The following LRRK2 variants were observed in gnomAD, a reference collection of about 807,000 sequenced individuals.
LRRK2 encodes leucine rich repeat kinase 2, also known as leucine-rich repeat serine/threonine-protein kinase 2.
LRRK2 carries 203 observed loss-of-function variants against 302.6 expected under a neutral mutation model. That is an observed-to-expected ratio of 0.67 (90% CI 0.60 to 0.75). LRRK2 has a LOEUF of 0.75. Among genes scored for constraint, LRRK2 ranks in the 30% least tolerant of loss-of-function variants. The pLI is 0.00. For missense variants in LRRK2, 2,830 were observed against 2,951.0 expected (o/e 0.96, Z 0.95); for synonymous variants, 1,066 against 1,031.9 (o/e 1.03, Z -0.63).
chr12:40,258,546 A>G (rs1942622428), intron 12 of LRRK2, among the ~76,000 whole-genome samples: 4 of 152,182 alleles, frequency 2.6e-5, no homozygotes. Flanking sequence ...GCTCTTACGT[A>G]AAATGTGTAC....
rs572692313 is a variant in LRRK2, at chr12:40,279,484, A to T, written c.2241+1223A>T. On this transcript the variant is annotated intron_variant, in intron 18 of 50. Coordinates refer to ENST00000298910, the MANE Select transcript of LRRK2 (RefSeq NM_198578.4). ...GCTCCGCTTTACTAAAGATAATTAA[A>T]TTTTTCCATCAATAATTTAATACAT... Among the ~76,000 whole-genome samples the T allele has an allele frequency of 6.6e-5, 10 of 152,274 alleles. No homozygotes were observed. In the South Asian group the frequency reaches 2.1e-3, roughly 32 times the overall value.
chr12:40,236,882 C>T (rs1941489371), intron 4 of LRRK2, among the ~76,000 whole-genome samples: 2 of 151,618 alleles, frequency 1.3e-5, no homozygotes, highest in South Asian at 4.2e-4. Context: ...GAGATTCATT[C>T]TCCATTTGGC....
chr12:40,294,588 T>C (rs1944307466), intron 21 of LRRK2, among the ~76,000 whole-genome samples: 1 of 152,102 alleles, frequency 6.6e-6, no homozygotes. Flanking sequence ...TATAGCTTTT[T>C]CACTCAACCT....
At position 40,263,860 on chromosome 12, in the gene LRRK2, A is replaced by C. The variant is rs200634016; in HGVS notation, c.1615A>C (p.Lys539Gln). The C allele has an allele frequency of 2.5e-6, 4 of 1,612,954 alleles. No homozygotes were observed. The highest frequency in any genetic ancestry group is 3.4e-6 in the Non-Finnish European group (4 of 1,179,344). The change falls in exon 14 of 51, where the codon AAG becomes CAG. Residue 539 changes from lysine (K) to glutamine (Q), a missense_variant. Physicochemically the swap from Lys to Gln is moderately conservative, Grantham distance 53 (BLOSUM62 1). Around this residue, in one of 3 missense-constraint regions of LRRK2, gnomAD observed 2,121 missense variants for 2,148.0 expected, o/e 0.99. Coordinates refer to ENST00000298910, the MANE Select transcript of LRRK2 (RefSeq NM_198578.4). ...AAATATGGTTAAAAAACAGTGTTTC[A>C]AGAATGATATTCACAAACTGGTCCT... ...KLNMVKKQCF[K>Q]NDIHKLVLAA... is the part of the protein sequence containing the mutation.
intron 12 of LRRK2, 55 bp from the exon 13 acceptor site, chr12:40,259,425 T>C: frequency 6.2e-7 from 1 of 1,608,136 alleles, no homozygotes; most frequent in Non-Finnish European, 8.5e-7. Context: ...ATTTGGTGTT[T>C]ATACCATTGA....
intron 41 of LRRK2, among the ~76,000 whole-genome samples, chr12:40,344,106 C>T (rs1035813): frequency 0.77 from 116,690 of 151,876 alleles, 45,663 homozygotes; most frequent in Non-Finnish European, 0.86. Context: ...GAAAAAAAAT[C>T]CCAACCTTCT....
At position 40,294,834 on chromosome 12, in the gene LRRK2, T is replaced by G; in HGVS notation, c.2809-11T>G. ...ATGACAGCAATTTTATTATAAATTA[T>G]TTTTTAATAGGGGCCCATTTTTGAT... is the stretch of plus-strand genomic sequence containing the variant. On this transcript the variant is annotated splice_polypyrimidine_tract_variant and intron_variant, in intron 21 of 50. Transcript: ENST00000298910. 1 of 1,455,274 alleles carries G rather than the reference T, an allele frequency of 6.9e-7. No homozygotes were observed. The highest frequency in any genetic ancestry group is 9.6e-7 in the Non-Finnish European group (1 of 1,042,994). 90.1% of individuals were successfully genotyped at this position (1,455,274 alleles called of 1,614,324 possible). A position where few individuals can be genotyped will look rare whatever the true frequency, so the allele number is the denominator to read the frequency against.
At chr12:40,325,305 A>C (rs975276262) in intron 38 of LRRK2, among the ~76,000 whole-genome samples, 2 of 152,036 alleles carry the variant, frequency 1.3e-5, no homozygotes, top group African/African-American at 4.8e-5. Flanking sequence ...AAAAACAAAA[A>C]AGCAAAGTCT....
intron 16 of LRRK2, among the ~76,000 whole-genome samples, chr12:40,276,297 G>T (rs547245750): frequency 6.6e-6 from 1 of 152,128 alleles, no homozygotes; most frequent in South Asian, 2.1e-4. Flanking sequence ...CCAGTTCAGG[G>T]TTTTGCTTTG....
chr12:40,239,809 G>A (rs1383753446), intron 5 of LRRK2, among the ~76,000 whole-genome samples: 7 of 152,044 alleles, frequency 4.6e-5, no homozygotes, highest in Non-Finnish European at 1.0e-4. Context: ...AAAAATGAAT[G>A]TTGATCACTT....
chr12:40,365,188 T>C, intron 49 of LRRK2, 138 bp downstream of exon 49: 1 of 750,440 alleles, frequency 1.3e-6, no homozygotes, highest in Middle Eastern at 3.8e-4. Context: ...AACATAAGAC[T>C]GGTATAAATT....
intron 28 of LRRK2, among the ~76,000 whole-genome samples, 177 bp downstream of exon 28, chr12:40,306,143 G>A (rs1169238342): frequency 2.6e-5 from 4 of 152,114 alleles, no homozygotes; most frequent in African/African-American, 9.7e-5. Flanking sequence ...TGGTGCCACT[G>A]TAGAGATTTC....
intron 7 of LRRK2, among the ~76,000 whole-genome samples, chr12:40,248,261 A>G (rs1397392032): frequency 6.6e-6 from 1 of 152,204 alleles, no homozygotes; most frequent in African/African-American, 2.4e-5. Flanking sequence ...ATTTCTTGAA[A>G]TGAGCCAGAA....
At chr12:40,359,534 G>T in intron 47 of LRRK2, 90 bp downstream of exon 47, 3 of 1,045,370 alleles carry the variant, frequency 2.9e-6, no homozygotes, top group Non-Finnish European at 2.8e-6. Flanking sequence ...TAATTCATAA[G>T]GAAGATCTTT....
At chr12:40,279,737 T>A (rs11564181) in intron 18 of LRRK2, among the ~76,000 whole-genome samples, 1,890 of 152,370 alleles carry the variant, frequency 0.012, 27 homozygotes, top group Non-Finnish European at 0.019. Context: ...TCTTTCCATA[T>A]TCTTTTGGAC....
rs1450226161 is a variant in LRRK2 at position 40,320,051 on chromosome 12, G to A, written c.4891G>A (p.Val1631Met). Residue 1631 changes from valine (V) to methionine (M), a missense_variant, in exon 34 of 51, where the codon GTG (valine) becomes ATG (methionine). Physicochemically the swap from Val to Met is conservative, Grantham distance 21 (BLOSUM62 1). Around this residue, in one of 3 missense-constraint regions of LRRK2, gnomAD observed 2,121 missense variants for 2,148.0 expected, o/e 0.99. Coordinates refer to ENST00000298910, the MANE Select transcript of LRRK2 (RefSeq NM_198578.4). The part of the protein sequence containing the change: ...HPKGIISRRD[V>M]EKFLSKKRKF... ...TAAGGGCATTATTTCGCGTAGAGAT[G>A]TGGAAAAATTTCTTTCAAAAAAAAG... is the stretch of plus-strand genomic sequence containing the variant. 1 of 1,611,712 alleles carries A rather than the reference G, an allele frequency of 6.2e-7. No individual in the cohort carries two copies. Among genetic ancestry groups the A allele is most frequent in the Non-Finnish European group, 8.5e-7 (1 of 1,178,692 alleles).
intron 12 of LRRK2, among the ~76,000 whole-genome samples, chr12:40,257,788 C>A (rs1942588811): frequency 6.6e-6 from 1 of 152,152 alleles, no homozygotes; most frequent in South Asian, 2.1e-4. Context: ...TCTTCTCTTC[C>A]TGCTCTCAAT....
At chr12:40,356,008 T>C (rs995359220) in intron 45 of LRRK2, 107 bp from the exon 46 acceptor site, 3 of 692,974 alleles carry the variant, frequency 4.3e-6, no homozygotes, top group Middle Eastern at 2.7e-4. Context: ...TAGGAATTTA[T>C]AGTTGAGAAG....
chr12:40,234,415 T>G (rs563086518), intron 3 of LRRK2, among the ~76,000 whole-genome samples: 107 of 142,748 alleles, frequency 7.5e-4, no homozygotes, highest in African/African-American at 2.7e-3. Flanking sequence ...AGTCTTTCTC[T>G]GTTGCCAGGC....
Sources: gnomAD v4.1 joint callset for allele counts (sites outside exome capture counted in the v4.1 genomes callset) on GRCh38, gnomAD v4.1.1 for gene constraint, gnomAD v4.1.1 regional missense constraint, MANE v1.5 for transcripts, NCBI Gene and HGNC (gene_info 2026-07-23, HGNC 2026-07-21) for gene names.